Variants in WWOX observed in about 807,000 individuals in gnomAD.
The protein encoded by WWOX is WW domain-containing oxidoreductase.
WWOX carries 69 observed loss-of-function variants against 46.2 expected under a neutral mutation model. The ratio of observed to expected loss-of-function variants is 1.49; its 90% CI spans 1.23 to 1.82. The LOEUF is 1.82. Ranked by LOEUF, WWOX falls within the 40% of genes most tolerant of loss-of-function variation. The pLI, the probability that WWOX is intolerant of heterozygous loss-of-function variation, is 0.00. For missense variants in WWOX, 919 were observed against 542.6 expected (o/e 1.69, Z -6.89); for synonymous variants, 359 against 202.6 (o/e 1.77, Z -6.56).
intron 8 of WWOX, among the ~76,000 whole-genome samples, chr16:78,734,206 G>A (rs76929102): frequency 0.02 from 3,112 of 152,216 alleles, 98 homozygotes; most frequent in African/African-American, 0.072. Flanking sequence ...GGAATGTTAG[G>A]TGTTAAAGAC....
At position 78,217,022 on chromosome 16, in the gene WWOX, C is replaced by T. The variant is rs541426843; in HGVS notation, c.516+52733C>T. Among the ~76,000 whole-genome samples the T allele has an allele frequency of 5.9e-5, 9 of 152,288 alleles. No individual in the cohort carries two copies. The East Asian group carries it at 1.4e-3, about 23-fold the overall frequency. ...ACAGGTGTGAGCCACCACACCCAGC[C>T]CCTCTCCCTATTTTAATGCGAGGTA... On this transcript the variant is annotated intron_variant, in intron 5 of 8. Coordinates refer to ENST00000566780, the MANE Select transcript of WWOX (RefSeq NM_016373.4).
chr16:78,713,795 A>G (rs1469133), intron 8 of WWOX, among the ~76,000 whole-genome samples: 101,746 of 152,058 alleles, frequency 0.67, 35,456 homozygotes, highest in African/African-American at 0.88. Context: ...CTAGTCTGTC[A>G]CATTTTCTTA....
At chr16:78,647,017 A>C (rs2046860039) in intron 8 of WWOX, among the ~76,000 whole-genome samples, 1 of 152,142 alleles carries the variant, frequency 6.6e-6, no homozygotes, top group South Asian at 2.1e-4. Context: ...GATGTCATCA[A>C]GAGTCTTTCT....
intron 8 of WWOX, among the ~76,000 whole-genome samples, chr16:78,740,619 C>G (rs1421576176): frequency 1.3e-5 from 2 of 152,134 alleles, no homozygotes; most frequent in Non-Finnish European, 2.9e-5. Context: ...TTCATTTCTC[C>G]TAGTGCTGGA....
intron 5 of WWOX, among the ~76,000 whole-genome samples, chr16:78,271,744 G>C (rs570220608): frequency 6.6e-6 from 1 of 152,324 alleles, no homozygotes; most frequent in African/African-American, 2.4e-5. Context: ...TCTGCCCAGC[G>C]AGGGCGTTGG....
chr16:78,922,613 A>G (rs2045404912), intron 8 of WWOX, among the ~76,000 whole-genome samples: 1 of 152,132 alleles, frequency 6.6e-6, no homozygotes, highest in Non-Finnish European at 1.5e-5. Context: ...TCCTGACCTT[A>G]GGTGATCCCC....
At chr16:78,718,584 C>G (rs1052006716) in intron 8 of WWOX, among the ~76,000 whole-genome samples, 3 of 151,958 alleles carry the variant, frequency 2.0e-5, no homozygotes, top group Non-Finnish European at 2.9e-5. Flanking sequence ...GTCCATGCCT[C>G]TAATCCTAGG....
chr16:78,450,437 C>G (rs1200304847), intron 8 of WWOX, among the ~76,000 whole-genome samples: 3 of 150,550 alleles, frequency 2.0e-5, no homozygotes, highest in Non-Finnish European at 4.4e-5. Flanking sequence ...GAATAATAAA[C>G]AGTCAGAGTG....
intron 5 of WWOX, among the ~76,000 whole-genome samples, chr16:78,378,244 T>C (rs1255774921): frequency 6.6e-6 from 1 of 152,102 alleles, no homozygotes; most frequent in Admixed American, 6.6e-5. Flanking sequence ...AGTGATAAAA[T>C]GTGTCAAGTC....
chr16:78,923,274 C>A (rs897768648), intron 8 of WWOX, among the ~76,000 whole-genome samples: 3 of 152,160 alleles, frequency 2.0e-5, no homozygotes, highest in Admixed American at 2.0e-4. Flanking sequence ...AGCCACTGTG[C>A]CCGGCCATCT....
intron 8 of WWOX, among the ~76,000 whole-genome samples, chr16:78,534,047 A>G (rs967354903): frequency 2.0e-5 from 3 of 152,234 alleles, no homozygotes; most frequent in East Asian, 3.8e-4. Context: ...AAAAATGGAT[A>G]TAAACAATAT....
chr16:78,981,436 G>T (rs1005008916), intron 8 of WWOX, among the ~76,000 whole-genome samples: 2 of 126,318 alleles, frequency 1.6e-5, no homozygotes, highest in Non-Finnish European at 3.3e-5. Context: ...TTTATATGAA[G>T]CATCATTTTT....
chr16:78,342,707 C>T lies in WWOX; in HGVS notation c.517-44153C>T, dbSNP rs567357452. ...GCATGCTTTCCACCATATGCATAGACATTTGCACCCCAGGGATAGCACCAT... is the reference window on the plus strand; with the variant it reads ...GCATGCTTTCCACCATATGCATAGATATTTGCACCCCAGGGATAGCACCAT... On this transcript the variant is annotated intron_variant, in intron 5 of 8. Coordinates refer to ENST00000566780, the MANE Select transcript of WWOX (RefSeq NM_016373.4). 1.3e-4 allele frequency among the ~76,000 whole-genome samples: 16 copies of T among 120,506 alleles called. 1 individual carries two copies. In the South Asian group the frequency reaches 4.0e-3, roughly 30 times the overall value. 79.1% of individuals were successfully genotyped at this position (120,506 alleles called of 152,430 possible).
intron 5 of WWOX, among the ~76,000 whole-genome samples, chr16:78,380,504 C>G (rs1191798664): frequency 6.6e-6 from 1 of 152,116 alleles, no homozygotes; most frequent in African/African-American, 2.4e-5. Context: ...ACGACCCATT[C>G]AGCCGTATCA....
At chr16:78,565,421 C>T (rs1019194537) in intron 8 of WWOX, among the ~76,000 whole-genome samples, 2 of 152,142 alleles carry the variant, frequency 1.3e-5, no homozygotes, top group South Asian at 4.2e-4. Flanking sequence ...GGCTCTTGGC[C>T]CCTTCCTCTG....
At chr16:79,127,411 G>C (rs1376704589) in intron 8 of WWOX, among the ~76,000 whole-genome samples, 4 of 152,078 alleles carry the variant, frequency 2.6e-5, no homozygotes, top group Non-Finnish European at 5.9e-5. Context: ...ATATATCTTA[G>C]AGATGGTTCT....
At chr16:78,797,734 T>A (rs2050781076) in intron 8 of WWOX, among the ~76,000 whole-genome samples, 1 of 152,192 alleles carries the variant, frequency 6.6e-6, no homozygotes, top group South Asian at 2.1e-4. Context: ...ATGCCTGTAA[T>A]CCCAGCACTT....
intron 8 of WWOX, among the ~76,000 whole-genome samples, chr16:78,478,074 T>C (rs901809097): frequency 1.3e-5 from 2 of 152,260 alleles, no homozygotes; most frequent in Middle Eastern, 3.4e-3. Context: ...GAACACAAAA[T>C]ATGGAATATA....
chr16:78,887,287 T>C (rs528935780), intron 8 of WWOX, among the ~76,000 whole-genome samples: 1 of 151,410 alleles, frequency 6.6e-6, no homozygotes, highest in Non-Finnish European at 1.5e-5. Flanking sequence ...CCCTGTGGAT[T>C]TCTCCTGACT....
Sources: gnomAD v4.1 joint callset for allele counts (sites outside exome capture counted in the v4.1 genomes callset) on GRCh38, gnomAD v4.1.1 for gene constraint, MANE v1.5 for transcripts, NCBI Gene and HGNC (gene_info 2026-07-23, HGNC 2026-07-21) for gene names.